C1orf21: variants seen among roughly 807,000 people sequenced by gnomAD.
The protein encoded by C1orf21 is chromosome 1 open reading frame 21.
Under a neutral mutation model 18.7 loss-of-function variants are expected in C1orf21, and 3 were observed. That is an observed-to-expected ratio of 0.16 (90% CI 0.07 to 0.42). The LOEUF (loss-of-function observed/expected upper bound fraction) is 0.42, where lower values mean the gene tolerates loss of function less well. Ranked by LOEUF, C1orf21 falls within the 10% of genes least tolerant of loss-of-function variation. The probability of loss-of-function intolerance (pLI) is 0.99; values close to 1 mark genes in which losing one functional copy is unlikely to be tolerated. For missense variants in C1orf21, 104 were observed against 143.6 expected (o/e 0.72, Z 1.41); for synonymous variants, 41 against 46.4 (o/e 0.88, Z 0.47).
At chr1:184,483,114 C>T (rs1010900048) in intron 2 of C1orf21, among the ~76,000 whole-genome samples, 1 of 152,218 alleles carries the variant, frequency 6.6e-6, no homozygotes, top group Non-Finnish European at 1.5e-5. Flanking sequence ...GTGGCCCTTT[C>T]AGAGGTCAGA....
chr1:184,481,886 T>C (rs553651214), intron 2 of C1orf21, among the ~76,000 whole-genome samples: 5 of 152,326 alleles, frequency 3.3e-5, no homozygotes, highest in South Asian at 4.1e-4. Flanking sequence ...GTACCCTAGA[T>C]ATTACTGAAT....
chr1:184,531,979 CTTA>C (rs1658468624), intron 3 of C1orf21, among the ~76,000 whole-genome samples: 1 of 151,552 alleles, frequency 6.6e-6, no homozygotes, highest in Non-Finnish European at 1.5e-5. Context: ...TTTTTCAATT[CTTA>C]TTATTTGTGT....
rs534504131 is a variant in C1orf21 at position 184,593,309 on chromosome 1, G to T, written c.266+2494G>T. On this transcript the variant is annotated intron_variant, in intron 4 of 5. Coordinates refer to ENST00000235307, the MANE Select transcript of C1orf21 (RefSeq NM_030806.4). ...TGTGTGTGTGTACACACACATGTGTGTATGTATTTCAAACTGTGAACAGAA... is the reference window on the plus strand; with the variant it reads ...TGTGTGTGTGTACACACACATGTGTTTATGTATTTCAAACTGTGAACAGAA... Among the ~76,000 whole-genome samples, 7 of 152,186 alleles carry T rather than the reference G, an allele frequency of 4.6e-5. 2 individuals carry two copies. The highest frequency in any genetic ancestry group is 1.4e-4 in the African/African-American group (6 of 41,514).
intron 2 of C1orf21, among the ~76,000 whole-genome samples, chr1:184,481,095 T>C (rs530288431): frequency 6.6e-5 from 10 of 152,152 alleles, no homozygotes; most frequent in Non-Finnish European, 1.2e-4. Context: ...GTAAAGGTTA[T>C]GATTGCATTT....
At chr1:184,443,878 G>A (rs188714500) in intron 1 of C1orf21, among the ~76,000 whole-genome samples, 5 of 152,114 alleles carry the variant, frequency 3.3e-5, no homozygotes, top group African/African-American at 4.8e-5. Context: ...GTCCCTGCTG[G>A]GGAGGAGGTA....
chr1:184,441,979 TAGTCAGTGAATGGAAC>T (rs1656956274), intron 1 of C1orf21, among the ~76,000 whole-genome samples: 1 of 152,204 alleles, frequency 6.6e-6, no homozygotes. Flanking sequence ...AGTTATGTTG[TAGTCAGTGAATGGAAC>T]AGACTGGTAA....
intron 3 of C1orf21, among the ~76,000 whole-genome samples, chr1:184,589,382 G>T (rs1659405218): frequency 6.6e-6 from 1 of 152,202 alleles, no homozygotes; most frequent in Non-Finnish European, 1.5e-5. Context: ...ACCAGTATTT[G>T]CTGAGTGCCG....
intron 3 of C1orf21, among the ~76,000 whole-genome samples, chr1:184,557,143 C>G (rs570988672): frequency 1.3e-5 from 2 of 152,314 alleles, no homozygotes; most frequent in East Asian, 3.9e-4. Flanking sequence ...ATGTCTTAGC[C>G]TCCTGACGCT....
intron 1 of C1orf21, among the ~76,000 whole-genome samples, chr1:184,417,604 T>C (rs1656474271): frequency 6.6e-6 from 1 of 152,220 alleles, no homozygotes. Flanking sequence ...GTAATCTAAC[T>C]TTGCATCTTT....
chr1:184,598,174 A>G (rs1182237054), intron 4 of C1orf21, among the ~76,000 whole-genome samples: 1 of 152,078 alleles, frequency 6.6e-6, no homozygotes, highest in African/African-American at 2.4e-5. Context: ...TGTACATTGA[A>G]AGGAAATTGT....
chr1:184,571,262 A>T (rs2101990011), intron 3 of C1orf21, among the ~76,000 whole-genome samples: 1 of 139,860 alleles, frequency 7.2e-6, no homozygotes, highest in African/African-American at 2.7e-5. Context: ...CCGCCACTGC[A>T]CTCCAGCCTG....
In C1orf21 at chr1:184,457,617, G is replaced by T. The variant is rs145292808; in HGVS notation, c.-124-19769G>T. 7.0e-3 allele frequency among the ~76,000 whole-genome samples: 1,061 copies of T among 152,278 alleles called. 6 individuals are homozygous for T. The highest frequency in any genetic ancestry group is 0.02 in the Middle Eastern group (6 of 294). On this transcript the variant is annotated intron_variant, in intron 1 of 5. Coordinates refer to ENST00000235307, the MANE Select transcript of C1orf21 (RefSeq NM_030806.4). ...TGCTGTCTCTGTACTGCATTTTCCAGACTATTCTGGGCTTTTGCATCTGCT... is the reference window on the plus strand; with the variant it reads ...TGCTGTCTCTGTACTGCATTTTCCATACTATTCTGGGCTTTTGCATCTGCT...
At chr1:184,426,471 C>G (rs2101968813) in intron 1 of C1orf21, among the ~76,000 whole-genome samples, 1 of 152,328 alleles carries the variant, frequency 6.6e-6, no homozygotes. Flanking sequence ...CCACCCACCT[C>G]TCTCTGGGGT....
At chr1:184,397,729 G>A (rs905445692) in intron 1 of C1orf21, among the ~76,000 whole-genome samples, 5 of 152,286 alleles carry the variant, frequency 3.3e-5, no homozygotes, top group Admixed American at 2.0e-4. Context: ...ACTTATGCGA[G>A]CACCCAATGT....
chr1:184,561,898 G>A (rs1658970602), intron 3 of C1orf21, among the ~76,000 whole-genome samples: 1 of 152,026 alleles, frequency 6.6e-6, no homozygotes, highest in African/African-American at 2.4e-5. Flanking sequence ...CTCCCAAAGT[G>A]GGGTTTTTAA....
At chr1:184,404,640 C>A (rs1165184341) in intron 1 of C1orf21, among the ~76,000 whole-genome samples, 1 of 152,162 alleles carries the variant, frequency 6.6e-6, no homozygotes, top group African/African-American at 2.4e-5. Flanking sequence ...TCAATTTCAA[C>A]ATAAGTTTTA....
At chr1:184,580,707 G>T (rs1388268170) in intron 3 of C1orf21, among the ~76,000 whole-genome samples, 1 of 152,156 alleles carries the variant, frequency 6.6e-6, no homozygotes, top group Non-Finnish European at 1.5e-5. Context: ...CCATAAATTT[G>T]TGTTTGTTCT....
At chr1:184,498,387 G>GTT (rs1394214994) in intron 2 of C1orf21, among the ~76,000 whole-genome samples, 7 of 152,096 alleles carry the variant, frequency 4.6e-5, no homozygotes, top group Non-Finnish European at 2.9e-5. Context: ...ATGTCTATGC[G>GTT]TTCTCTCTCT....
chr1:184,543,348 GA>G (rs887470717), intron 3 of C1orf21, among the ~76,000 whole-genome samples: 6 of 148,648 alleles, frequency 4.0e-5, no homozygotes, highest in African/African-American at 9.9e-5. Context: ...CTTACAAGAA[GA>G]AAAAAAAAAT....
Sources: allele counts gnomAD v4.1 joint callset (sites outside exome capture counted in the v4.1 genomes callset), GRCh38; gene constraint gnomAD v4.1.1; transcripts MANE v1.5; gene names NCBI Gene and HGNC (gene_info 2026-07-23, HGNC 2026-07-21).